Variants in PRKN observed in about 807,000 individuals in gnomAD.
PRKN encodes E3 ubiquitin-protein ligase parkin.
A neutral mutation model predicts 59.5 loss-of-function variants in PRKN; 56 were observed. The observed-to-expected ratio is 0.94, with a 90% CI of 0.76 to 1.18. PRKN has a LOEUF of 1.18. Ranked by LOEUF, PRKN falls within the 50% of genes most tolerant of loss-of-function variation. The pLI is 0.00. For synonymous variants in PRKN, 250 were observed against 222.1 expected, an observed-to-expected ratio of 1.13 and a Z score of -1.12; for missense variants, 657 against 596.4, an observed-to-expected ratio of 1.10 and a Z score of -1.06.
intron 7 of PRKN, among the ~76,000 whole-genome samples, chr6:161,738,542 T>C (rs531157841): frequency 6.6e-6 from 1 of 152,308 alleles, no homozygotes; most frequent in African/African-American, 2.4e-5. Context: ...CCCTGAGTAA[T>C]CAAAGCACAG....
At chr6:162,179,988 GTGTGTGTGTGTGTGTGTGTA>G (rs1783725648) in intron 4 of PRKN, among the ~76,000 whole-genome samples, 1 of 151,002 alleles carries the variant, frequency 6.6e-6, no homozygotes. Context: ...GTGTGTGTGT[GTGTGTGTGTGTGTGTGTGTA>G]TGTGTGTAGC....
chr6:161,567,022 G>GTTTTTT (rs71917520), intron 8 of PRKN, among the ~76,000 whole-genome samples: 6 of 87,074 alleles, frequency 6.9e-5, no homozygotes, highest in African/African-American at 1.0e-4. Flanking sequence ...CACTGTCCTT[G>GTTTTTT]TTTTTTTTTT....
At position 162,399,392 on chromosome 6, in the gene PRKN, G is replaced by C. The variant is rs562963155; in HGVS notation, c.171+43918C>G. Among the ~76,000 whole-genome samples, 144 of 152,234 alleles carry C rather than the reference G, an allele frequency of 9.5e-4. 1 individual carries two copies. The highest frequency in any genetic ancestry group is 3.4e-3 in the African/African-American group (142 of 41,548). On this transcript the variant is annotated intron_variant, in intron 2 of 11. Transcript: ENST00000366898. ...AGCAAGGCCACGGTTGGAAGAAGCA[G>C]TCTGTATCCATGAGGCAGAGAGTAA... is the stretch of plus-strand genomic sequence containing the variant.
chr6:161,971,278 C>T (rs971247084), intron 6 of PRKN, among the ~76,000 whole-genome samples: 3 of 152,142 alleles, frequency 2.0e-5, no homozygotes, highest in Non-Finnish European at 4.4e-5. Flanking sequence ...CAGCAGGAAA[C>T]GGGGAGGGCA....
chr6:162,489,561 G>T (rs559734282), intron 1 of PRKN, among the ~76,000 whole-genome samples: 2 of 152,150 alleles, frequency 1.3e-5, no homozygotes, highest in Admixed American at 1.3e-4. Context: ...CTATTTTTAC[G>T]CAAAACCGCA....
At chr6:162,184,146 T>C (rs189713111) in intron 4 of PRKN, among the ~76,000 whole-genome samples, 8 of 152,358 alleles carry the variant, frequency 5.3e-5, no homozygotes, top group Admixed American at 2.6e-4. Context: ...CTGTATCAAC[T>C]TTTGCTAATT....
intron 4 of PRKN, among the ~76,000 whole-genome samples, chr6:162,146,904 T>C (rs1782054280): frequency 6.6e-6 from 1 of 151,974 alleles, no homozygotes; most frequent in African/African-American, 2.4e-5. Context: ...CTAATTTCTG[T>C]ATTTTTAGTA....
At chr6:162,005,890 G>C (rs1261065943) in intron 5 of PRKN, among the ~76,000 whole-genome samples, 2 of 151,998 alleles carry the variant, frequency 1.3e-5, no homozygotes, top group Non-Finnish European at 2.9e-5. Context: ...CCTATAATCT[G>C]AGTCCAACAC....
In PRKN at chr6:161,974,190, C is replaced by T. The variant is rs1583426672; in HGVS notation, c.619-773G>A. 1.3e-5 allele frequency among the ~76,000 whole-genome samples: 2 copies of T among 151,816 alleles called. 1 individual carries two copies. The highest frequency in any genetic ancestry group is 4.1e-4 in the South Asian group (2 of 4,824). On this transcript the variant is annotated intron_variant, in intron 5 of 11. Transcript: ENST00000366898. ...GCTGAGGCAGGAAATCGCTTGAGCC[C>T]GGCTGAGGCAGGAGAATCACTTGAG...
In PRKN at chr6:161,576,408, C is replaced by T. The variant is rs1290338079; in HGVS notation, c.872-6992G>A. Reference sequence around the variant, plus strand: ...TACAGGTATACACACGGGAGAGTAACTTACATGGTTACACAAGGAGATATG... The same window carrying T: ...TACAGGTATACACACGGGAGAGTAATTTACATGGTTACACAAGGAGATATG... On this transcript the variant is annotated intron_variant, in intron 7 of 11. Coordinates refer to ENST00000366898, the MANE Select transcript of PRKN (RefSeq NM_004562.3). This position sits in a 1 kb window ranked among gnomAD's most constrained non-coding sequence, Gnocchi z 4.6. Among the ~76,000 whole-genome samples the T allele has an allele frequency of 6.6e-6, 1 of 152,148 alleles. No individual in the cohort carries two copies. The highest frequency in any genetic ancestry group is 1.5e-5 in the Non-Finnish European group (1 of 68,042).
chr6:161,902,550 T>TATCTATCTATATATC (rs1554245408), intron 6 of PRKN, among the ~76,000 whole-genome samples: 1 of 101,360 alleles, frequency 9.9e-6, no homozygotes. Context: ...ATCTATCTAT[T>TATCTATCTATATATC]TATTTATTTA....
chr6:162,338,570 CT>C (rs1431541654), intron 2 of PRKN, among the ~76,000 whole-genome samples: 1 of 152,144 alleles, frequency 6.6e-6, no homozygotes, highest in Non-Finnish European at 1.5e-5. Context: ...GGTGCCCAGG[CT>C]GGAGTGCAGT....
chr6:162,711,524 CT>C (rs1262213506), intron 1 of PRKN, among the ~76,000 whole-genome samples: 1 of 152,174 alleles, frequency 6.6e-6, no homozygotes, highest in African/African-American at 2.4e-5. Flanking sequence ...GGCCCTTCCC[CT>C]CAGACCTGTG....
intron 6 of PRKN, among the ~76,000 whole-genome samples, chr6:161,874,553 ATAT>A (rs1318382206): frequency 9.0e-6 from 1 of 110,962 alleles, no homozygotes; most frequent in Non-Finnish European, 1.6e-5. Flanking sequence ...TGTAAAATAT[ATAT>A]TATATATAAA....
intron 2 of PRKN, among the ~76,000 whole-genome samples, chr6:162,354,337 A>C (rs1784753680): frequency 6.6e-6 from 1 of 151,812 alleles, no homozygotes; most frequent in South Asian, 2.1e-4. Flanking sequence ...ACTTTTAAGA[A>C]GACAAGATGA....
At chr6:161,902,556 A>ATCTATTTTTTTTTTTTTTTTTTTTTTTTT (rs1382089937) in intron 6 of PRKN, among the ~76,000 whole-genome samples, 3 of 118,202 alleles carry the variant, frequency 2.5e-5, no homozygotes, top group African/African-American at 7.0e-5. Context: ...CTATTTATTT[A>ATCTATTTTTTTTTTTTTTTTTTTTTTTTT]TTTATTTATT....
intron 1 of PRKN, among the ~76,000 whole-genome samples, chr6:162,468,057 G>A (rs1038925109): frequency 2.0e-5 from 3 of 152,094 alleles, no homozygotes; most frequent in Admixed American, 6.6e-5. Flanking sequence ...TACTGCTACC[G>A]TGGTTCTTAT....
intron 7 of PRKN, among the ~76,000 whole-genome samples, chr6:161,770,033 T>C (rs1789598102): frequency 1.3e-5 from 2 of 152,088 alleles, no homozygotes; most frequent in South Asian, 4.1e-4. Context: ...CCCAAGAAGA[T>C]GCTTGAATCT....
intron 5 of PRKN, among the ~76,000 whole-genome samples, chr6:162,033,026 T>C (rs1348417598): frequency 6.6e-6 from 1 of 152,210 alleles, no homozygotes; most frequent in Non-Finnish European, 1.5e-5. Flanking sequence ...TCTTGTTTTA[T>C]TCTTGGTTTA....
Sources: allele counts gnomAD v4.1 joint callset (sites outside exome capture counted in the v4.1 genomes callset), GRCh38; gene constraint gnomAD v4.1.1; non-coding constraint Gnocchi (gnomAD v3.1); transcripts MANE v1.5; gene names NCBI Gene and HGNC (gene_info 2026-07-23, HGNC 2026-07-21).